Variants in GSG1L observed in about 807,000 individuals in gnomAD.
GSG1L encodes germ cell-specific gene 1-like protein.
A neutral mutation model predicts 42.1 loss-of-function variants in GSG1L; 24 were observed. That is an observed-to-expected ratio of 0.57 (90% CI 0.41 to 0.80). The LOEUF is 0.80. Among genes scored for constraint, GSG1L ranks in the 30% least tolerant of loss-of-function variants. GSG1L has a pLI of 0.00. For missense variants in GSG1L, 445 were observed against 472.2 expected (o/e 0.94, Z 0.53); for synonymous variants, 215 against 203.5 (o/e 1.06, Z -0.48).
intron 1 of GSG1L, among the ~76,000 whole-genome samples, chr16:27,979,721 AGG>A (rs1491343933): frequency 0.12 from 7,351 of 60,440 alleles, 1,314 homozygotes; most frequent in East Asian, 0.42. Flanking sequence ...GAAGGAAGGA[AGG>A]AAGGAAAGAA....
intron 6 of GSG1L, among the ~76,000 whole-genome samples, chr16:27,798,276 T>C (rs2082843817): frequency 6.6e-6 from 1 of 152,146 alleles, no homozygotes; most frequent in East Asian, 1.9e-4. Context: ...GAGACGAACG[T>C]GTTCCCCTCT....
chr16:27,995,646 G>A (rs755488267), intron 1 of GSG1L, among the ~76,000 whole-genome samples: 1 of 152,074 alleles, frequency 6.6e-6, no homozygotes, highest in Middle Eastern at 3.2e-3. Context: ...CCAGGCAGAA[G>A]AGAATGGAGA....
At chr16:28,012,261 G>C (rs1394631946) in intron 1 of GSG1L, among the ~76,000 whole-genome samples, 2 of 151,694 alleles carry the variant, frequency 1.3e-5, no homozygotes, top group African/African-American at 4.9e-5. Context: ...CTTAAACACA[G>C]CCTATTAATA....
chr16:27,957,098 C>A (rs1243816719), intron 2 of GSG1L, among the ~76,000 whole-genome samples: 1 of 152,214 alleles, frequency 6.6e-6, no homozygotes, highest in Non-Finnish European at 1.5e-5. Context: ...CCTGTAATCC[C>A]AGCACATTGG....
chr16:27,866,580 T>A (rs1042661875), intron 3 of GSG1L, among the ~76,000 whole-genome samples: 7 of 152,132 alleles, frequency 4.6e-5, no homozygotes, highest in African/African-American at 1.7e-4. Context: ...TTTTCTTTTT[T>A]AATTTTTTCG....
chr16:27,816,012 G>C (rs763643257), intron 5 of GSG1L, among the ~76,000 whole-genome samples: 1 of 152,134 alleles, frequency 6.6e-6, no homozygotes, highest in Non-Finnish European at 1.5e-5. Flanking sequence ...ATTTAGAGCA[G>C]GACTGAGAAC....
chr16:28,040,935 G>C lies in GSG1L; in HGVS notation c.349+22141C>G, dbSNP rs563773998. On this transcript the variant is annotated intron_variant, in intron 1 of 6. Coordinates refer to ENST00000447459, the MANE Select transcript of GSG1L (RefSeq NM_001109763.2). This position sits in a 1 kb window ranked among gnomAD's most constrained non-coding sequence, Gnocchi z 4.1. The stretch of plus-strand genomic sequence containing the variant: ...CAAATGTGTGCTGTGCACTGAGCCT[G>C]TGCCAAGTGCTAGGGTGAGGACTGC... 6.6e-6 allele frequency among the ~76,000 whole-genome samples: 1 copy of C among 152,370 alleles called. No homozygotes were observed. The highest frequency in any genetic ancestry group is 2.4e-5 in the African/African-American group (1 of 41,586).
chr16:27,971,796 C>G (rs1009648684), intron 1 of GSG1L, among the ~76,000 whole-genome samples: 48 of 152,070 alleles, frequency 3.2e-4, no homozygotes, highest in African/African-American at 1.2e-3. Context: ...AATATATGCC[C>G]TCTGTCAGGT....
intron 1 of GSG1L, among the ~76,000 whole-genome samples, chr16:28,020,919 C>G (rs1252481334): frequency 6.6e-6 from 1 of 152,224 alleles, no homozygotes; most frequent in Non-Finnish European, 1.5e-5. Flanking sequence ...AGCTTCAACT[C>G]ACACCTACTG....
At chr16:28,014,591 A>G (rs1467675036) in intron 1 of GSG1L, among the ~76,000 whole-genome samples, 1 of 151,204 alleles carries the variant, frequency 6.6e-6, no homozygotes, top group Non-Finnish European at 1.5e-5. Flanking sequence ...GTAACCTCCA[A>G]CTCCTGGGAT....
At chr16:27,818,695 G>A (rs1268124267) in intron 5 of GSG1L, among the ~76,000 whole-genome samples, 2 of 152,090 alleles carry the variant, frequency 1.3e-5, no homozygotes, top group Non-Finnish European at 2.9e-5. Context: ...GGAATTTTGG[G>A]CAAATAAATG....
At chr16:27,979,976 T>C (rs148811804) in intron 1 of GSG1L, among the ~76,000 whole-genome samples, 1 of 152,154 alleles carries the variant, frequency 6.6e-6, no homozygotes, top group Non-Finnish European at 1.5e-5. Context: ...ATAAGAGCTT[T>C]TTAAAAATTC....
At chr16:28,025,969 C>T (rs1177626887) in intron 1 of GSG1L, among the ~76,000 whole-genome samples, 1 of 152,218 alleles carries the variant, frequency 6.6e-6, no homozygotes, top group Admixed American at 6.5e-5. Context: ...AATCCTTTGG[C>T]CTTGCCAGAC....
chr16:27,881,920 A>G (rs2083961940), intron 3 of GSG1L, among the ~76,000 whole-genome samples: 1 of 151,918 alleles, frequency 6.6e-6, no homozygotes, highest in Admixed American at 6.6e-5. Flanking sequence ...TTGCATCAAT[A>G]TGACTCCTGC....
intron 4 of GSG1L, among the ~76,000 whole-genome samples, chr16:27,841,985 G>A (rs778806279): frequency 3.3e-5 from 5 of 152,304 alleles, no homozygotes. Flanking sequence ...ATCTGCATAT[G>A]CAACACGAGG....
At chr16:27,990,339 C>A (rs2085441510) in intron 1 of GSG1L, among the ~76,000 whole-genome samples, 1 of 152,136 alleles carries the variant, frequency 6.6e-6, no homozygotes. Flanking sequence ...GGAAACTATT[C>A]ATGAATATTC....
chr16:27,942,567 C>T (rs1004477903), intron 2 of GSG1L, among the ~76,000 whole-genome samples: 1 of 152,144 alleles, frequency 6.6e-6, no homozygotes, highest in South Asian at 2.1e-4. Context: ...TCCTATAAAT[C>T]GGTAAGAAAA....
chr16:27,942,244 G>C (rs1384859765), intron 2 of GSG1L, among the ~76,000 whole-genome samples: 2 of 152,164 alleles, frequency 1.3e-5, no homozygotes, highest in Non-Finnish European at 2.9e-5. Flanking sequence ...CTGCCTCCCG[G>C]GTTCAAGTGA....
At chr16:28,060,182 G>T (rs190422300) in intron 1 of GSG1L, among the ~76,000 whole-genome samples, 1 of 152,044 alleles carries the variant, frequency 6.6e-6, no homozygotes. Context: ...GGGGAGGCGA[G>T]ATTTTGTTCA....
Sources: allele counts gnomAD v4.1 joint callset (sites outside exome capture counted in the v4.1 genomes callset), GRCh38; gene constraint gnomAD v4.1.1; non-coding constraint Gnocchi (gnomAD v3.1); transcripts MANE v1.5; gene names NCBI Gene and HGNC (gene_info 2026-07-23, HGNC 2026-07-21).